CFAP57: variants seen among roughly 807,000 people sequenced by gnomAD.
CFAP57 encodes the protein cilia- and flagella-associated protein 57.
In CFAP57, 116 loss-of-function variants were observed where a neutral mutation model predicts 146.8. The observed-to-expected ratio is 0.79, with a 90% CI of 0.68 to 0.92. The LOEUF is 0.92. Ranked by LOEUF, CFAP57 falls within the 40% of genes least tolerant of loss-of-function variation. The pLI is 0.00. For synonymous variants in CFAP57, 518 were observed against 552.8 expected (o/e 0.94, Z 0.88); for missense variants, 1,377 against 1,527.2 (o/e 0.90, Z 1.64).
chr1:43,191,695 G>A (rs1185573589), intron 6 of CFAP57, among the ~76,000 whole-genome samples: 2 of 147,810 alleles, frequency 1.4e-5, no homozygotes, highest in Non-Finnish European at 1.5e-5. Context: ...ATCAGCTTTC[G>A]GTTTCATTGA....
At chr1:43,237,759 A>G (rs1328973468) in intron 21 of CFAP57, among the ~76,000 whole-genome samples, 1 of 152,152 alleles carries the variant, frequency 6.6e-6, no homozygotes, top group African/African-American at 2.4e-5. Flanking sequence ...CCAAGTGGAG[A>G]AGAACCCACT....
At chr1:43,191,643 T>A (rs948226802) in intron 6 of CFAP57, among the ~76,000 whole-genome samples, 1 of 149,356 alleles carries the variant, frequency 6.7e-6, no homozygotes, top group Non-Finnish European at 1.5e-5. Flanking sequence ...TGTATTAATA[T>A]GATTTTCCTC....
intron 9 of CFAP57, 74 bp from the exon 10 acceptor site, chr1:43,206,646 A>G: frequency 6.7e-7 from 1 of 1,492,100 alleles, no homozygotes; most frequent in African/African-American, 1.4e-5. Context: ...GCACCTAAGG[A>G]GTTTGCACCC....
chr1:43,204,854 G>C (rs965223296), intron 9 of CFAP57, among the ~76,000 whole-genome samples: 5 of 152,130 alleles, frequency 3.3e-5, no homozygotes, highest in Admixed American at 2.0e-4. Context: ...ACAGCCTTGG[G>C]CATGCACAGA....
At chr1:43,224,327 C>A in intron 17 of CFAP57, 123 bp downstream of exon 17, 1 of 1,166,120 alleles carries the variant, frequency 8.6e-7, no homozygotes, top group South Asian at 1.9e-5. Flanking sequence ...GATGGGGGAA[C>A]CAGCCGTCAG....
At chr1:43,226,866 C>G in intron 17 of CFAP57, 117 bp from the exon 18 acceptor site, 1 of 1,199,100 alleles carries the variant, frequency 8.3e-7, no homozygotes, top group Non-Finnish European at 1.1e-6. Flanking sequence ...GGAGAGGAGT[C>G]TCCTGGTTGA....
At chr1:43,221,999 T>C in intron 14 of CFAP57, 106 bp from the exon 15 acceptor site, 1 of 953,780 alleles carries the variant, frequency 1.0e-6, no homozygotes, top group Non-Finnish European at 1.5e-6. Flanking sequence ...TGGAGGCAGC[T>C]GCTCCAGCTG....
chr1:43,231,063 G>A (rs759927713), intron 18 of CFAP57, among the ~76,000 whole-genome samples: 8 of 151,982 alleles, frequency 5.3e-5, no homozygotes, highest in African/African-American at 1.9e-4. Flanking sequence ...GGCTCTTTTC[G>A]TGTCCCTCAC....
chr1:43,242,673 T>C (rs947434673), intron 21 of CFAP57, among the ~76,000 whole-genome samples: 10 of 152,170 alleles, frequency 6.6e-5, no homozygotes, highest in African/African-American at 2.2e-4. Flanking sequence ...GAAAAATGAA[T>C]GAAGTATAGC....
chr1:43,207,681 T>C (rs1352989506), intron 10 of CFAP57, among the ~76,000 whole-genome samples: 2 of 152,204 alleles, frequency 1.3e-5, no homozygotes, highest in African/African-American at 2.4e-5. Context: ...TACAGTTACA[T>C]TGGGCTCCAA....
chr1:43,228,166 T>A (rs1055229232), intron 18 of CFAP57, among the ~76,000 whole-genome samples: 1 of 152,168 alleles, frequency 6.6e-6, no homozygotes, highest in Non-Finnish European at 1.5e-5. Flanking sequence ...TCCTGCGTGA[T>A]CCAGCCTCTC....
At chr1:43,220,143 T>C (rs1644989514) in intron 13 of CFAP57, among the ~76,000 whole-genome samples, 1 of 152,196 alleles carries the variant, frequency 6.6e-6, no homozygotes, top group South Asian at 2.1e-4. Flanking sequence ...TCTCTGGAAG[T>C]TGAGATTACA....
chr1:43,222,707 C>T, intron 15 of CFAP57, 117 bp from the exon 16 acceptor site: 1 of 1,192,714 alleles, frequency 8.4e-7, no homozygotes, highest in South Asian at 1.9e-5. Context: ...TCTGGAATGA[C>T]ACTCGCCTTT....
chr1:43,234,452 G>A (rs1432237020), intron 20 of CFAP57, 39 bp downstream of exon 20: 24 of 1,542,654 alleles, frequency 1.6e-5, no homozygotes, highest in East Asian at 9.8e-5. Flanking sequence ...ACTGACCTCC[G>A]GGGTCTCCTC....
intron 22 of CFAP57, among the ~76,000 whole-genome samples, chr1:43,250,914 T>C (rs1024399025): frequency 1.3e-5 from 2 of 152,110 alleles, no homozygotes; most frequent in Admixed American, 1.3e-4. Context: ...TCCTTTAAAA[T>C]TTTCCCAAAT....
chr1:43,195,639 G>C (rs1323019509), intron 6 of CFAP57, among the ~76,000 whole-genome samples: 2 of 152,010 alleles, frequency 1.3e-5, no homozygotes, highest in African/African-American at 4.8e-5. Context: ...AAGTAAAGTA[G>C]CTAGATGCAC....
At chr1:43,208,543 G>A (rs1040831542) in intron 10 of CFAP57, among the ~76,000 whole-genome samples, 6 of 152,120 alleles carry the variant, frequency 3.9e-5, no homozygotes. Context: ...CTATCGCAAG[G>A]ACAGAAAACG....
At chr1:43,180,187 CAA>C (rs1375833327) in intron 2 of CFAP57, among the ~76,000 whole-genome samples, 3 of 146,526 alleles carry the variant, frequency 2.0e-5, no homozygotes, top group African/African-American at 5.2e-5. Context: ...GCCTGGGCGA[CAA>C]GAGTGAAACT....
chr1:43,210,346 C>A, intron 11 of CFAP57: 1 of 1,359,004 alleles, frequency 7.4e-7, no homozygotes, highest in Non-Finnish European at 9.5e-7. Context: ...CATGAGTACA[C>A]ATTTGTAAAT....
Sources: gnomAD v4.1 joint callset for allele counts (sites outside exome capture counted in the v4.1 genomes callset) on GRCh38, gnomAD v4.1.1 for gene constraint, MANE v1.5 for transcripts, NCBI Gene and HGNC (gene_info 2026-07-23, HGNC 2026-07-21) for gene names.